The following TBC1D5 variants were observed in gnomAD, a reference collection of about 807,000 sequenced individuals.
The protein encoded by TBC1D5 is TBC1 domain family, member 5.
In TBC1D5, 75 loss-of-function variants were observed where a neutral mutation model predicts 100.3. The observed-to-expected ratio is 0.75, with a 90% CI of 0.62 to 0.91. The LOEUF (loss-of-function observed/expected upper bound fraction) is 0.91, where lower values mean the gene tolerates loss of function less well. TBC1D5 is among the 40% of genes least tolerant of loss of function. TBC1D5 has a pLI of 0.00. For missense variants in TBC1D5, 910 were observed against 942.4 expected (o/e 0.97, Z 0.45); for synonymous variants, 323 against 325.6 (o/e 0.99, Z 0.09).
chr3:17,304,946 T>A (rs1246964062), intron 14 of TBC1D5, among the ~76,000 whole-genome samples: 2 of 152,176 alleles, frequency 1.3e-5, no homozygotes, highest in African/African-American at 4.8e-5. Flanking sequence ...TATTTAGTTA[T>A]CTTTTCAGTT....
At chr3:17,414,067 G>T (rs2094004023) in intron 4 of TBC1D5, among the ~76,000 whole-genome samples, 1 of 152,148 alleles carries the variant, frequency 6.6e-6, no homozygotes, top group Admixed American at 6.5e-5. Flanking sequence ...ATAGTGATAG[G>T]GAAGTGCAGC....
intron 3 of TBC1D5, among the ~76,000 whole-genome samples, chr3:17,494,643 A>G (rs907203928): frequency 2.0e-5 from 3 of 152,258 alleles, no homozygotes; most frequent in Admixed American, 2.0e-4. Context: ...CTCCGCAGGG[A>G]AAGCAGTCTG....
At chr3:17,386,399 A>C (rs1298569054) in intron 8 of TBC1D5, among the ~76,000 whole-genome samples, 1 of 152,090 alleles carries the variant, frequency 6.6e-6, no homozygotes, top group Admixed American at 6.6e-5. Flanking sequence ...ACTATAAATA[A>C]TTTAATACCT....
At chr3:17,429,643 G>T (rs1326106773) in intron 3 of TBC1D5, among the ~76,000 whole-genome samples, 1 of 151,816 alleles carries the variant, frequency 6.6e-6, no homozygotes, top group African/African-American at 2.4e-5. Flanking sequence ...TTAAAGATGA[G>T]ATTATTTTTA....
chr3:17,195,106 T>C (rs762468665), intron 18 of TBC1D5, among the ~76,000 whole-genome samples: 4 of 152,234 alleles, frequency 2.6e-5, no homozygotes, highest in Non-Finnish European at 5.9e-5. Flanking sequence ...TATGTCTTCT[T>C]AGCCCTGTAA....
chr3:17,232,437 T>C (rs1216264695), intron 17 of TBC1D5, among the ~76,000 whole-genome samples: 7 of 149,576 alleles, frequency 4.7e-5, no homozygotes, highest in Non-Finnish European at 8.9e-5. Flanking sequence ...GATGATCACA[T>C]TAACATTCAT....
intron 13 of TBC1D5, among the ~76,000 whole-genome samples, chr3:17,348,679 C>T (rs976269541): frequency 3.3e-5 from 5 of 152,154 alleles, no homozygotes; most frequent in African/African-American, 7.2e-5. Context: ...GCAGGCAAAA[C>T]GCACTAAATT....
intron 2 of TBC1D5, among the ~76,000 whole-genome samples, chr3:17,580,515 T>G (rs2096687055): frequency 6.6e-6 from 1 of 152,214 alleles, no homozygotes; most frequent in Non-Finnish European, 1.5e-5. Flanking sequence ...TTATTAAGAA[T>G]AAACCATCCA....
intron 1 of TBC1D5, among the ~76,000 whole-genome samples, chr3:17,668,850 G>A (rs2067587351): frequency 6.6e-6 from 1 of 152,138 alleles, no homozygotes; most frequent in Non-Finnish European, 1.5e-5. Flanking sequence ...AAGTTCCACA[G>A]GAAGTAGGGT....
chr3:17,720,520 C>T (rs751606233), intron 1 of TBC1D5, among the ~76,000 whole-genome samples: 3 of 152,212 alleles, frequency 2.0e-5, no homozygotes, highest in Non-Finnish European at 4.4e-5. Flanking sequence ...TCATAAAACA[C>T]TGTAGGTTGG....
intron 14 of TBC1D5, among the ~76,000 whole-genome samples, chr3:17,295,030 C>G (rs1024575358): frequency 1.3e-5 from 2 of 152,066 alleles, no homozygotes; most frequent in African/African-American, 4.8e-5. Context: ...TCTATCAAAG[C>G]AGGGCAGAGA....
chr3:17,372,675 C>T (rs2092524219), intron 12 of TBC1D5, among the ~76,000 whole-genome samples: 1 of 152,126 alleles, frequency 6.6e-6, no homozygotes, highest in Non-Finnish European at 1.5e-5. Context: ...AAAATGACCA[C>T]TATTAAGAAA....
intron 3 of TBC1D5, among the ~76,000 whole-genome samples, chr3:17,480,031 C>G (rs1171574662): frequency 1.3e-5 from 2 of 152,236 alleles, no homozygotes; most frequent in East Asian, 3.8e-4. Context: ...GGCCTGGCCT[C>G]TCCCTGCTCC....
At chr3:17,715,506 T>C (rs1021782652) in intron 1 of TBC1D5, among the ~76,000 whole-genome samples, 10 of 152,174 alleles carry the variant, frequency 6.6e-5, no homozygotes, top group African/African-American at 1.2e-4. Context: ...GAAGGATCTA[T>C]CAAAGTGGGA....
intron 13 of TBC1D5, among the ~76,000 whole-genome samples, chr3:17,342,219 T>C (rs901068931): frequency 2.6e-5 from 4 of 152,356 alleles, no homozygotes; most frequent in Admixed American, 6.5e-5. Context: ...TCTATCCTAA[T>C]TGTAGACTAC....
intron 13 of TBC1D5, among the ~76,000 whole-genome samples, chr3:17,358,253 C>A (rs982421601): frequency 2.9e-4 from 44 of 152,058 alleles, no homozygotes; most frequent in African/African-American, 9.9e-4. Flanking sequence ...GGCATGATCT[C>A]GGCTCACCAC....
chr3:17,240,297 G>A (rs2076202193), intron 16 of TBC1D5, among the ~76,000 whole-genome samples: 1 of 152,210 alleles, frequency 6.6e-6, no homozygotes, highest in South Asian at 2.1e-4. Flanking sequence ...AAGAAAGATC[G>A]ATTCATTATA....
rs746368873 is a variant in TBC1D5, at chr3:17,307,982, T to G, written c.1138+10A>C. On this transcript the variant is annotated intron_variant, in intron 14 of 21. Transcript: ENST00000253692. The stretch of plus-strand genomic sequence containing the variant: ...CCTAGTCAAATGTAGGAAAGGTCAT[T>G]AATACTTACAAGCATCTCGGATGTA... The G allele has an allele frequency of 1.0e-5, 16 of 1,599,762 alleles. No homozygotes were observed. The highest frequency in any genetic ancestry group is 3.3e-4 in the Middle Eastern group (2 of 6,032).
At chr3:17,496,462 G>GCACACA (rs150694074) in intron 3 of TBC1D5, among the ~76,000 whole-genome samples, 2 of 147,430 alleles carry the variant, frequency 1.4e-5, no homozygotes, top group African/African-American at 5.0e-5. Context: ...ACACACACAC[G>GCACACA]CACACACACA....
Sources: gnomAD v4.1 joint callset for allele counts (sites outside exome capture counted in the v4.1 genomes callset) on GRCh38, gnomAD v4.1.1 for gene constraint, MANE v1.5 for transcripts, NCBI Gene and HGNC (gene_info 2026-07-23, HGNC 2026-07-21) for gene names.